The following BCAT2 variants were observed in gnomAD, a reference collection of about 807,000 sequenced individuals.
BCAT2 encodes the protein branched-chain-amino-acid aminotransferase, mitochondrial.
In BCAT2, 44 loss-of-function variants were observed where a neutral mutation model predicts 52.9. The ratio of observed to expected loss-of-function variants is 0.83; its 90% CI spans 0.65 to 1.07. The LOEUF (loss-of-function observed/expected upper bound fraction) is 1.07, where lower values mean the gene tolerates loss of function less well. Ranked by LOEUF, BCAT2 falls within the 50% of genes least tolerant of loss-of-function variation. The pLI, the probability that BCAT2 is intolerant of heterozygous loss-of-function variation, is 0.00. For missense variants in BCAT2, 478 were observed against 521.8 expected (o/e 0.92, Z 0.82); for synonymous variants, 215 against 217.1 (o/e 0.99, Z 0.08).
rs2034544855 is a variant in BCAT2, at chr19:48,797,184, G to A, written c.838+7C>T. ...CAGGGTTCGGGCTGGGTCATGGGTGGGCTTACCCCCATCTTCGTGGGTCCA... is the reference window on the plus strand; with the variant it reads ...CAGGGTTCGGGCTGGGTCATGGGTGAGCTTACCCCCATCTTCGTGGGTCCA... On this transcript the variant is annotated splice_region_variant and intron_variant, in intron 7 of 10. Coordinates refer to ENST00000316273, the MANE Select transcript of BCAT2 (RefSeq NM_001190.4). 6.2e-7 allele frequency: 1 copy of A among 1,613,548 alleles called. No individual in the cohort carries two copies. Among genetic ancestry groups the A allele is most frequent in the Non-Finnish European group, 8.5e-7 (1 of 1,179,766 alleles).
intron 3 of BCAT2, among the ~76,000 whole-genome samples, chr19:48,803,610 G>T (rs1407025082): frequency 6.6e-6 from 1 of 152,198 alleles, no homozygotes; most frequent in Non-Finnish European, 1.5e-5. Context: ...CACTTTGGGA[G>T]GCCGAAGCAG....
At chr19:48,804,518 G>C (rs913931288) in intron 3 of BCAT2, among the ~76,000 whole-genome samples, 6 of 152,090 alleles carry the variant, frequency 3.9e-5, no homozygotes, top group Non-Finnish European at 7.3e-5. Context: ...ACTCCAACCT[G>C]GGGGACAGAG....
chr19:48,800,190 C>T lies in BCAT2; in HGVS notation c.408G>A (p.Leu136=), dbSNP rs2034627179. 3 of 1,613,338 alleles carry T rather than the reference C, an allele frequency of 1.9e-6. No individual in the cohort carries two copies. The East Asian group carries it at 6.7e-5, about 36-fold the overall frequency. Residue 136 remains leucine, a synonymous_variant, in exon 4 of 11, where the codon CTG becomes CTA. Coordinates refer to ENST00000316273, the MANE Select transcript of BCAT2 (RefSeq NM_001190.4). ...RMLRSAMRLC[L]PSFDKLELLE... ...CCGGTGGACCGGGACCCCTCACCGG[C>T]AGGCACAGGCGCATGGCTGAGCGCA...
At chr19:48,802,627 T>C (rs1428834794) in intron 3 of BCAT2, among the ~76,000 whole-genome samples, 1 of 151,684 alleles carries the variant, frequency 6.6e-6, no homozygotes, top group Non-Finnish European at 1.5e-5. Context: ...TTTGTATATT[T>C]AGTAGAGATG....
rs1290701509 is a variant in BCAT2 at position 48,807,984 on chromosome 19, T to C, written c.25-910A>G. On this transcript the variant is annotated intron_variant, in intron 1 of 10. Transcript: ENST00000316273. The surrounding 1 kb of genome is among the most constrained non-coding windows in gnomAD (Gnocchi z 4.6). ...CTTTCCCCAGCCCTGTGGGGAGGCG[T>C]TGGGGCGTGAGGTTGAGAGAGACAG... is the stretch of plus-strand genomic sequence containing the variant. 1.0e-6 allele frequency: 1 copy of C among 985,742 alleles called. No individual in the cohort carries two copies. The highest frequency in any genetic ancestry group is 1.7e-5 in the African/African-American group (1 of 57,166). The allele number at this position is 985,742 out of a possible 1,614,324, so 61.1% of individuals were successfully genotyped here. A position where few individuals can be genotyped will look rare whatever the true frequency, so the allele number is the denominator to read the frequency against.
intron 6 of BCAT2, chr19:48,797,543 T>C (rs1244896242): frequency 3.3e-6 from 2 of 600,820 alleles, no homozygotes; most frequent in Non-Finnish European, 2.9e-6. Flanking sequence ...TTCCCACTTT[T>C]CTTTCTTTTC....
In BCAT2 at chr19:48,799,944, C is replaced by A; in HGVS notation, c.531+37G>T. 4 of 1,610,012 alleles carry A rather than the reference C, an allele frequency of 2.5e-6. No homozygotes were observed. The highest frequency in any genetic ancestry group is 2.2e-5 in the East Asian group (1 of 44,710). On this transcript the variant is annotated intron_variant, in intron 5 of 10. Coordinates refer to ENST00000316273, the MANE Select transcript of BCAT2 (RefSeq NM_001190.4). This position sits in a 1 kb window ranked among gnomAD's most constrained non-coding sequence, Gnocchi z 5.5. ...ACCCCTGCCCTGCAGAATCCAACCC[C>A]CGCAGCCCAGCTTCCCAGCCCTGGA... is the stretch of plus-strand genomic sequence containing the variant.
chr19:48,808,670 G>C (rs936361328), intron 1 of BCAT2, among the ~76,000 whole-genome samples: 11 of 152,068 alleles, frequency 7.2e-5, no homozygotes, highest in African/African-American at 2.4e-4. Flanking sequence ...CAGGAGAATT[G>C]CTTAAACCCA....
At chr19:48,810,937 C>T (rs755171698) in intron 1 of BCAT2, 47 bp downstream of exon 1, 2 of 1,597,652 alleles carry the variant, frequency 1.3e-6, no homozygotes, top group Admixed American at 1.7e-5. Flanking sequence ...CGGAAGTGCG[C>T]CTCCCCCGGT....
rs1478410756 is a variant in BCAT2 at position 48,807,661 on chromosome 19, A to G, written c.25-587T>C. On this transcript the variant is annotated intron_variant, in intron 1 of 10. Transcript: ENST00000316273. This position sits in a 1 kb window ranked among gnomAD's most constrained non-coding sequence, Gnocchi z 4.6. ...ACAGGCCCCACCCCTCCTCCCTCAGACCCAGGAGTCCAGTTCCCCAGCCCC... is the reference window on the plus strand; with the variant it reads ...ACAGGCCCCACCCCTCCTCCCTCAGGCCCAGGAGTCCAGTTCCCCAGCCCC... 1.4e-5 allele frequency: 13 copies of G among 935,780 alleles called. No homozygotes were observed. The highest frequency in any genetic ancestry group is 1.7e-5 in the Non-Finnish European group (13 of 784,078). 58.0% of individuals were successfully genotyped at this position (935,780 alleles called of 1,614,324 possible). A position where few individuals can be genotyped will look rare whatever the true frequency, so the allele number is the denominator to read the frequency against.
rs1040502737 is a variant in BCAT2 at position 48,795,196 on chromosome 19, A to G, written c.*230T>C. ...CAAGGTGTATCCTTGACCGCACGACAAGGAGTAATGGGCGGACCTGAACCC... is the reference window on the plus strand; with the variant it reads ...CAAGGTGTATCCTTGACCGCACGACGAGGAGTAATGGGCGGACCTGAACCC... On this transcript the variant is annotated 3_prime_UTR_variant, in exon 11 of 11. Coordinates refer to ENST00000316273, the MANE Select transcript of BCAT2 (RefSeq NM_001190.4). 1.0e-4 allele frequency: 60 copies of G among 601,534 alleles called. No homozygotes were observed. The Middle Eastern group carries it at 1.7e-3, about 17-fold the overall frequency. 37.3% of individuals were successfully genotyped at this position (601,534 alleles called of 1,614,324 possible).
Position 48,796,485 on chromosome 19 carries a change from G to A in BCAT2, c.1083C>T (p.Thr361=), listed in dbSNP as rs879000788. 1 of 1,613,776 alleles carries A rather than the reference G, an allele frequency of 6.2e-7. No individual in the cohort carries two copies. Among genetic ancestry groups the A allele is most frequent in the Admixed American group, 1.7e-5 (1 of 59,996 alleles). The part of the protein sequence containing the change: ...LYKDRNLHIP[T]MENGPELILR... The stretch of plus-strand genomic sequence containing the variant: ...GGATCAGCTCAGGCCCATTTTCCAT[G>A]GTGGGAATGTGGAGGTTCTGGGACA... Residue 361 remains threonine, a synonymous_variant, in exon 10 of 11, where the codon ACC becomes ACT. Transcript: ENST00000316273.
chr19:48,810,943 C>A (rs1182244194), intron 1 of BCAT2, 41 bp downstream of exon 1: 2 of 1,602,274 alleles, frequency 1.2e-6, no homozygotes, highest in East Asian at 2.3e-5. Context: ...TGCGCCTCCC[C>A]CGGTTATTTC....
intron 3 of BCAT2, among the ~76,000 whole-genome samples, chr19:48,803,878 G>A (rs533737360): frequency 1.3e-5 from 2 of 152,316 alleles, no homozygotes; most frequent in African/African-American, 2.4e-5. Context: ...AATGGTTGGA[G>A]GCTGGGCGCC....
Position 48,799,071 on chromosome 19 carries a change from C to T in BCAT2, c.695+604G>A, listed in dbSNP as rs2034597780. Reference sequence around the variant, plus strand: ...ACTCATCTGTGTCCCCAGCTTCTGCCAGCACAGGGCCTGGCCCTCAGGAGA... The same window carrying T: ...ACTCATCTGTGTCCCCAGCTTCTGCTAGCACAGGGCCTGGCCCTCAGGAGA... On this transcript the variant is annotated intron_variant, in intron 6 of 10. Coordinates refer to ENST00000316273, the MANE Select transcript of BCAT2 (RefSeq NM_001190.4). This position sits in a 1 kb window ranked among gnomAD's most constrained non-coding sequence, Gnocchi z 5.5. The T allele has an allele frequency of 6.6e-6, 1 of 152,356 alleles. No homozygotes were observed. The highest frequency in any genetic ancestry group is 2.4e-5 in the African/African-American group (1 of 41,436). 9.4% of individuals were successfully genotyped at this position (152,356 alleles called of 1,614,324 possible). A position where few individuals can be genotyped will look rare whatever the true frequency, so the allele number is the denominator to read the frequency against.
chr19:48,795,589 C>T (rs2034489542), intron 10 of BCAT2, 125 bp from the exon 11 acceptor site: 3 of 1,096,408 alleles, frequency 2.7e-6, no homozygotes, highest in Middle Eastern at 2.5e-4. Context: ...ATGTAGTCCA[C>T]TTCCCAGAGG....
Position 48,796,460 on chromosome 19 carries a change from G to A in BCAT2, c.1108C>T (p.Leu370Phe), listed in dbSNP as rs1179285899. The change falls in exon 10 of 11, where the codon CTC becomes TTC. Residue 370 changes from leucine to phenylalanine, a missense_variant. Coordinates refer to ENST00000316273, the MANE Select transcript of BCAT2 (RefSeq NM_001190.4). ...TCCTTCAGCTCCTTCTGGAAGCGGA[G>A]GATCAGCTCAGGCCCATTTTCCATG... Reference protein sequence around the residue: ...PTMENGPELILRFQKELKEIQ... With the variant: ...PTMENGPELIFRFQKELKEIQ... The A allele has an allele frequency of 1.2e-6, 2 of 1,613,966 alleles. No individual in the cohort carries two copies. The highest frequency in any genetic ancestry group is 2.7e-5 in the African/African-American group (2 of 74,924).
rs757645175 is a variant in BCAT2 at position 48,795,443 on chromosome 19, A to T, written c.1162T>A (p.Trp388Arg). The T allele has an allele frequency of 6.2e-7, 1 of 1,613,800 alleles. No individual in the cohort carries two copies. The highest frequency in any genetic ancestry group is 8.5e-7 in the Non-Finnish European group (1 of 1,179,948). ...EIQYGIRAHE[W>R]MFPV Reference sequence around the variant, plus strand: ...CTGCAGCTTCACACCGGGAACATCCACTCGTGGGCTCTGATTCCGTACTGC... The same window carrying T: ...CTGCAGCTTCACACCGGGAACATCCTCTCGTGGGCTCTGATTCCGTACTGC... Residue 388 changes from tryptophan (W) to arginine (R), a missense_variant, in exon 11 of 11, where the codon TGG becomes AGG. Trp to Arg is a moderately radical substitution (Grantham distance 101). Transcript: ENST00000316273.
intron 6 of BCAT2, among the ~76,000 whole-genome samples, chr19:48,798,185 G>A (rs2034574617): frequency 6.6e-6 from 1 of 152,152 alleles, no homozygotes; most frequent in African/African-American, 2.4e-5. Flanking sequence ...GATTACAAGC[G>A]TGAGCTACCG....
Sources: allele counts gnomAD v4.1 joint callset (sites outside exome capture counted in the v4.1 genomes callset), GRCh38; gene constraint gnomAD v4.1.1; non-coding constraint Gnocchi (gnomAD v3.1); transcripts MANE v1.5; gene names NCBI Gene and HGNC (gene_info 2026-07-23, HGNC 2026-07-21).